TELO2: variants seen among roughly 807,000 people sequenced by gnomAD.
TELO2 encodes the protein telomere maintenance 2.
A neutral mutation model predicts 91.0 loss-of-function variants in TELO2; 71 were observed. That is an observed-to-expected ratio of 0.78 (90% CI 0.64 to 0.95). TELO2 has a LOEUF of 0.95. Ranked by LOEUF, TELO2 falls within the 40% of genes least tolerant of loss-of-function variation. TELO2 has a pLI of 0.00. For synonymous variants in TELO2, 584 were observed against 518.9 expected (o/e 1.13, Z -1.71); for missense variants, 1,183 against 1,141.3 (o/e 1.04, Z -0.53).
Position 1,501,793 on chromosome 16 carries a change from AG to A in TELO2, c.1472+21del, listed in dbSNP as rs949581097. On this transcript the variant is annotated intron_variant, in intron 11 of 20. Coordinates refer to ENST00000262319, the MANE Select transcript of TELO2 (RefSeq NM_016111.4). ...GGACAGGTAGGGGCTCTGCCACCCCAGTGGGCAGCGTGCAGGAGGCCGGGAG... is the reference window on the plus strand; with the variant it reads ...GGACAGGTAGGGGCTCTGCCACCCCATGGGCAGCGTGCAGGAGGCCGGGAG... The A allele has an allele frequency of 1.2e-6, 2 of 1,600,736 alleles. No individual in the cohort carries two copies. Among genetic ancestry groups the A allele is most frequent in the Non-Finnish European group, 1.7e-6 (2 of 1,176,762 alleles).
chr16:1,494,766 C>T lies in TELO2; in HGVS notation c.335+150C>T. The T allele has an allele frequency of 2.2e-6, 2 of 892,726 alleles. No homozygotes were observed. Among genetic ancestry groups the T allele is most frequent in the Non-Finnish European group, 3.3e-6 (2 of 603,766 alleles). The allele number at this position is 892,726 out of a possible 1,614,324, so 55.3% of individuals were successfully genotyped here. The stretch of plus-strand genomic sequence containing the variant: ...TGAACCCCTGAACAGAAGAAGCGGT[C>T]TGTGTCTGTCTCCTTTGCGACGGGA... On this transcript the variant is annotated intron_variant, in intron 2 of 20. Transcript: ENST00000262319. This position sits in a 1 kb window ranked among gnomAD's most constrained non-coding sequence, Gnocchi z 5.6.
chr16:1,505,347 T>C lies in TELO2; in HGVS notation c.1843-63T>C. ...CCCGTTTCTGGGGCTTTGGCTGACT[T>C]GACTCTTGGGAAATGTTCTTCCCTG... On this transcript the variant is annotated intron_variant, in intron 15 of 20. Transcript: ENST00000262319. This position sits in a 1 kb window ranked among gnomAD's most constrained non-coding sequence, Gnocchi z 4.3. 6.5e-7 allele frequency: 1 copy of C among 1,545,622 alleles called. No individual in the cohort carries two copies.
At position 1,505,120 on chromosome 16, in the gene TELO2, C is replaced by T; in HGVS notation, c.1843-290C>T. 2.6e-6 allele frequency: 1 copy of T among 387,098 alleles called. No individual in the cohort carries two copies. Among genetic ancestry groups the T allele is most frequent in the Non-Finnish European group, 4.7e-6 (1 of 212,188 alleles). The allele number at this position is 387,098 out of a possible 1,614,324, so 24.0% of individuals were successfully genotyped here. A position where few individuals can be genotyped will look rare whatever the true frequency, so the allele number is the denominator to read the frequency against. On this transcript the variant is annotated intron_variant, in intron 15 of 20. Transcript: ENST00000262319. This position sits in a 1 kb window ranked among gnomAD's most constrained non-coding sequence, Gnocchi z 4.3. ...TGAGGCCGACTTCCTGGGATAAGGG[C>T]ATGTGGCTCTGGCGTGGCGGGACTG...
intron 20 of TELO2, among the ~76,000 whole-genome samples, chr16:1,508,852 G>T (rs1169975408): frequency 6.6e-6 from 1 of 152,186 alleles, no homozygotes; most frequent in Non-Finnish European, 1.5e-5. Flanking sequence ...TGTGCTCAGG[G>T]TGGCCGTGAA....
chr16:1,496,543 G>A (rs1430086748), intron 3 of TELO2, among the ~76,000 whole-genome samples: 5 of 152,212 alleles, frequency 3.3e-5, no homozygotes, highest in South Asian at 2.1e-4. Context: ...TGGTCCCCAC[G>A]CGGCTCTGTG....
intron 20 of TELO2, among the ~76,000 whole-genome samples, chr16:1,509,092 C>A (rs1173841614): frequency 6.6e-6 from 1 of 152,152 alleles, no homozygotes; most frequent in East Asian, 1.9e-4. Context: ...ACATTCCCTG[C>A]AGTTCCTGGC....
Position 1,502,982 on chromosome 16 carries a change from C to G in TELO2, c.1822C>G (p.Gln608Glu). 4 of 1,611,134 alleles carry G rather than the reference C, an allele frequency of 2.5e-6. No homozygotes were observed. The highest frequency in any genetic ancestry group is 3.4e-6 in the Non-Finnish European group (4 of 1,180,004). Residue 608 changes from glutamine to glutamate, a missense_variant, in exon 15 of 21, where the codon CAG becomes GAG. Transcript: ENST00000262319. ...QFYALNYSLR[Q>E]RMDILDVLTL... ...CTATGCCCTCAACTACAGCCTCCGG[C>G]AGCGCATGGACATCCTGGATGTAAG... is the stretch of plus-strand genomic sequence containing the variant.
Position 1,493,447 on chromosome 16 carries a change from G to A in TELO2, c.-195G>A, listed in dbSNP as rs1567289305. 6.6e-6 allele frequency: 1 copy of A among 152,254 alleles called. No homozygotes were observed. Among genetic ancestry groups the A allele is most frequent in the African/African-American group, 2.4e-5 (1 of 41,464 alleles). 9.4% of individuals were successfully genotyped at this position (152,254 alleles called of 1,614,324 possible). ...GCCCCAGAGGCTCAAGAAAACCCGC[G>A]GGAGCCTCGCCCGGACCCAGGAACT... On this transcript the variant is annotated 5_prime_UTR_variant, in exon 1 of 21. Coordinates refer to ENST00000262319, the MANE Select transcript of TELO2 (RefSeq NM_016111.4). This position sits in a 1 kb window ranked among gnomAD's most constrained non-coding sequence, Gnocchi z 4.3.
chr16:1,501,600 T>G, intron 10 of TELO2, 63 bp from the exon 11 acceptor site: 3 of 1,572,046 alleles, frequency 1.9e-6, no homozygotes, highest in Non-Finnish European at 1.7e-6. Flanking sequence ...TTCTGTCCTG[T>G]GAGTCCTGAG....
At position 1,505,034 on chromosome 16, in the gene TELO2, T is replaced by C; in HGVS notation, c.1843-376T>C. 5.2e-6 allele frequency: 1 copy of C among 192,116 alleles called. No individual in the cohort carries two copies. The highest frequency in any genetic ancestry group is 1.1e-5 in the Non-Finnish European group (1 of 92,040). The allele number at this position is 192,116 out of a possible 1,614,324, so 11.9% of individuals were successfully genotyped here. On this transcript the variant is annotated intron_variant, in intron 15 of 20. Coordinates refer to ENST00000262319, the MANE Select transcript of TELO2 (RefSeq NM_016111.4). The surrounding 1 kb of genome is among the most constrained non-coding windows in gnomAD (Gnocchi z 4.3). ...GCGCACATGGGTCCTTGGTGCCTTC[T>C]CTGCAATGTTCTGAGGTCCCCCCGC...
At chr16:1,502,186 C>G (rs2141046714) in intron 12 of TELO2, 51 bp downstream of exon 12, 1 of 1,606,466 alleles carries the variant, frequency 6.2e-7, no homozygotes, top group East Asian at 2.2e-5. Context: ...GGGTCCCGCT[C>G]ACAGCCTGGT....
Position 1,509,948 on chromosome 16 carries a change from C to T in TELO2, c.*12C>T. ...CCGCGTCTCCCTAGTCCCTGGAGGCCTCCCCAGGACCACCCTCGCCGACAG... is the reference window on the plus strand; with the variant it reads ...CCGCGTCTCCCTAGTCCCTGGAGGCTTCCCCAGGACCACCCTCGCCGACAG... On this transcript the variant is annotated 3_prime_UTR_variant, in exon 21 of 21. Coordinates refer to ENST00000262319, the MANE Select transcript of TELO2 (RefSeq NM_016111.4). The T allele has an allele frequency of 1.3e-6, 2 of 1,576,048 alleles. No individual in the cohort carries two copies.
chr16:1,500,821 A>G (rs1182363874), intron 9 of TELO2, 122 bp downstream of exon 9: 3 of 1,440,806 alleles, frequency 2.1e-6, no homozygotes, highest in South Asian at 1.4e-5. Flanking sequence ...GTCCGTGTGG[A>G]CTTCTCGCAG....
At position 1,493,394 on chromosome 16, in the gene TELO2, A is replaced by G. The variant is rs1370555177; in HGVS notation, c.-248A>G. 1 of 152,206 alleles carries G rather than the reference A, an allele frequency of 6.6e-6. No individual in the cohort carries two copies. Among genetic ancestry groups the G allele is most frequent in the Non-Finnish European group, 1.5e-5 (1 of 68,032 alleles). The allele number at this position is 152,206 out of a possible 1,614,324, so 9.4% of individuals were successfully genotyped here. On this transcript the variant is annotated 5_prime_UTR_variant, in exon 1 of 21. Coordinates refer to ENST00000262319, the MANE Select transcript of TELO2 (RefSeq NM_016111.4). The surrounding 1 kb of genome is among the most constrained non-coding windows in gnomAD (Gnocchi z 4.3). ...CCCTCCCGCCTGGCGTCCTCCGCAG[A>G]TTCGCGCTGAGAGGCCCGCGGAGAC...
chr16:1,506,815 G>A (rs527902365), intron 17 of TELO2, 137 bp from the exon 18 acceptor site: 5 of 1,425,174 alleles, frequency 3.5e-6, no homozygotes, highest in East Asian at 5.1e-5. Flanking sequence ...CTGCTCCTAC[G>A]ATCTCGGTGC....
Position 1,495,582 on chromosome 16 carries a change from A to G in TELO2, c.572A>G (p.Glu191Gly). The change falls in exon 3 of 21, where the codon GAG (glutamate) becomes GGG (glycine). Residue 191 changes from glutamate to glycine, a missense_variant. Coordinates refer to ENST00000262319, the MANE Select transcript of TELO2 (RefSeq NM_016111.4). ...PQNYFRLLGE[E>G]VVRVLQAVVD... ...AACTACTTCCGCCTGCTCGGCGAGG[A>G]GGTCGTCCGGGTGCTGCAGGCGGTT... 1 of 1,608,482 alleles carries G rather than the reference A, an allele frequency of 6.2e-7. No homozygotes were observed. Among genetic ancestry groups the G allele is most frequent in the Non-Finnish European group, 8.5e-7 (1 of 1,176,824 alleles).
Position 1,502,751 on chromosome 16 carries a change from ACCCGGCCCCGGTGAGTT to A in TELO2, c.1765_1770+11del. 6.2e-7 allele frequency: 1 copy of A among 1,611,906 alleles called. No homozygotes were observed. Among genetic ancestry groups the A allele is most frequent in the Non-Finnish European group, 8.5e-7 (1 of 1,179,786 alleles). On this transcript the variant is annotated splice_donor_variant and splice_donor_5th_base_variant and coding_sequence_variant and intron_variant, in exon 14 of 21. Transcript: ENST00000262319. LOFTEE classifies it high-confidence loss of function. ...GCCCTGGTGGCCGTCACGGTCACAG[ACCCGGCCCCGGTGAGTT>A]CCCGCACCCGTGGCCCTGGCCAGTG...
chr16:1,506,343 C>T lies in TELO2; in HGVS notation c.2126+14C>T. 1 of 1,614,024 alleles carries T rather than the reference C, an allele frequency of 6.2e-7. No individual in the cohort carries two copies. Among genetic ancestry groups the T allele is most frequent in the Non-Finnish European group, 8.5e-7 (1 of 1,179,982 alleles). ...GCGCTTTGACAGGTGAGTGGGTTTT[C>T]CGTGGGCCTGTGGACTTGGGGGACA... On this transcript the variant is annotated intron_variant, in intron 17 of 20. Transcript: ENST00000262319.
At position 1,499,291 on chromosome 16, in the gene TELO2, T is replaced by G. The variant is rs370018942; in HGVS notation, c.891T>G (p.Phe297Leu). The part of the protein sequence containing the change: ...NLVVKNKKAQ[F>L]VMTQKLLFLQ... ...TGGTGAAGAACAAGAAGGCCCAGTTTGTGATGACCCAGAAGCTTCTGTTCT... is the reference window on the plus strand; with the variant it reads ...TGGTGAAGAACAAGAAGGCCCAGTTGGTGATGACCCAGAAGCTTCTGTTCT... The change falls in exon 6 of 21, where the codon TTT becomes TTG. Residue 297 changes from phenylalanine (F) to leucine (L), a missense_variant. By Grantham distance (22) the Phe-to-Leu change is conservative. Coordinates refer to ENST00000262319, the MANE Select transcript of TELO2 (RefSeq NM_016111.4). 4 of 1,613,940 alleles carry G rather than the reference T, an allele frequency of 2.5e-6. No homozygotes were observed. Among genetic ancestry groups the G allele is most frequent in the Non-Finnish European group, 2.5e-6 (3 of 1,180,012 alleles).
Sources: allele counts gnomAD v4.1 joint callset (sites outside exome capture counted in the v4.1 genomes callset), GRCh38; gene constraint gnomAD v4.1.1; non-coding constraint Gnocchi (gnomAD v3.1); transcripts MANE v1.5; gene names NCBI Gene and HGNC (gene_info 2026-07-23, HGNC 2026-07-21).